The following RNF115 variants were observed in gnomAD, a reference collection of about 807,000 sequenced individuals.
RNF115 encodes E3 ubiquitin-protein ligase RNF115.
In RNF115, 31 loss-of-function variants were observed where a neutral mutation model predicts 39.2. The ratio of observed to expected loss-of-function variants is 0.79; its 90% confidence interval spans 0.59 to 1.07. The LOEUF (loss-of-function observed/expected upper bound fraction) is 1.07, where lower values mean the gene tolerates loss of function less well. RNF115 is among the 50% of genes least tolerant of loss of function. The pLI, the probability that RNF115 is intolerant of heterozygous loss-of-function variation, is 0.00. For synonymous variants in RNF115, 124 were observed against 131.0 expected, an observed-to-expected ratio of 0.95 and a Z score of 0.37; for missense variants, 384 against 381.7, an observed-to-expected ratio of 1.01 and a Z score of -0.05.
chr1:145,765,380 A>C (rs1051806967), intron 4 of RNF115, among the ~76,000 whole-genome samples: 3 of 152,012 alleles, frequency 2.0e-5, no homozygotes, highest in Non-Finnish European at 4.4e-5. Context: ...GACCCTGCCA[A>C]ATCCCCCTCT....
At chr1:145,773,405 C>G (rs1265279292) in intron 3 of RNF115, 1 of 151,802 alleles carries the variant, frequency 6.6e-6, no homozygotes, top group Admixed American at 6.6e-5. Flanking sequence ...ATCGCTTGAA[C>G]CAACGAGTTC....
intron 4 of RNF115, among the ~76,000 whole-genome samples, chr1:145,756,454 T>C (rs1228846709): frequency 6.7e-6 from 1 of 148,752 alleles, no homozygotes; most frequent in Non-Finnish European, 1.5e-5. Flanking sequence ...AGTGAGACTG[T>C]CTCAAAAAAA....
At chr1:145,775,197 G>A (rs1294495483) in intron 3 of RNF115, among the ~76,000 whole-genome samples, 2 of 152,088 alleles carry the variant, frequency 1.3e-5, no homozygotes, top group Non-Finnish European at 2.9e-5. Flanking sequence ...AGCTCATGAG[G>A]TCAAGGTTAC....
chr1:145,800,745 G>C (rs1370440549), intron 1 of RNF115, among the ~76,000 whole-genome samples: 1 of 152,214 alleles, frequency 6.6e-6, no homozygotes, highest in African/African-American at 2.4e-5. Flanking sequence ...CTTAAGGGGA[G>C]AAGTGTCCAG....
chr1:145,748,399 G>C (rs1657956912), intron 7 of RNF115, among the ~76,000 whole-genome samples: 1 of 152,164 alleles, frequency 6.6e-6, no homozygotes, highest in Non-Finnish European at 1.5e-5. Flanking sequence ...AGAGTTGGAA[G>C]AAATAAACTG....
intron 4 of RNF115, among the ~76,000 whole-genome samples, chr1:145,769,176 C>G (rs1485787276): frequency 1.3e-5 from 2 of 152,148 alleles, no homozygotes; most frequent in Non-Finnish European, 2.9e-5. Context: ...GATTATTGCA[C>G]TATCCTGGCT....
intron 1 of RNF115, among the ~76,000 whole-genome samples, chr1:145,813,392 A>C (rs1242400533): frequency 6.6e-6 from 1 of 152,194 alleles, no homozygotes; most frequent in Non-Finnish European, 1.5e-5. Flanking sequence ...AGCAAAACTA[A>C]AAGTTAGGCT....
chr1:145,789,012 C>T (rs1553718554), intron 1 of RNF115, 46 bp from the exon 2 acceptor site: 6 of 1,207,934 alleles, frequency 5.0e-6, no homozygotes, highest in East Asian at 2.3e-5. Context: ...CATTAGAAAG[C>T]TACGTGGTAT....
intron 4 of RNF115, among the ~76,000 whole-genome samples, chr1:145,763,515 T>A (rs587670116): frequency 2.0e-5 from 3 of 152,134 alleles, no homozygotes; most frequent in Non-Finnish European, 4.4e-5. Context: ...CTGGCCAACA[T>A]GGCAAAACCC....
At chr1:145,769,815 G>C (rs1212150471) in intron 4 of RNF115, among the ~76,000 whole-genome samples, 1 of 144,558 alleles carries the variant, frequency 6.9e-6, no homozygotes, top group Non-Finnish European at 1.5e-5. Flanking sequence ...TGTGTTAAGA[G>C]ACTCCAGCCT....
At chr1:145,798,570 G>C (rs143228281) in intron 1 of RNF115, among the ~76,000 whole-genome samples, 296 of 152,170 alleles carry the variant, frequency 1.9e-3, no homozygotes, top group Non-Finnish European at 3.7e-3. Context: ...CCATAGCTTA[G>C]TAATATATTT....
rs1176974529 is a variant in RNF115 at position 145,746,301 on chromosome 1, TA to T, written c.*564del. The T allele has an allele frequency of 6.6e-6, 1 of 152,078 alleles. No individual in the cohort carries two copies. The highest frequency in any genetic ancestry group is 1.5e-5 in the Non-Finnish European group (1 of 68,026). The allele number at this position is 152,078 out of a possible 1,614,324, so 9.4% of individuals were successfully genotyped here. On this transcript the variant is annotated 3_prime_UTR_variant, in exon 9 of 9. Transcript: ENST00000582693. ...ATAAACCACTTTTCTCTTCTTGCTG[TA>T]ATTTTTCTTTGATTTGCTCTCTGGG...
chr1:145,805,754 T>G (rs1024516824), intron 1 of RNF115, among the ~76,000 whole-genome samples: 1 of 152,092 alleles, frequency 6.6e-6, no homozygotes, highest in Non-Finnish European at 1.5e-5. Flanking sequence ...CTCAAATCAC[T>G]AAACCGTAGC....
intron 1 of RNF115, among the ~76,000 whole-genome samples, chr1:145,802,883 C>T (rs1264217660): frequency 1.3e-5 from 2 of 152,192 alleles, no homozygotes; most frequent in African/African-American, 2.4e-5. Flanking sequence ...TAAGTCTCGT[C>T]ACTAGGTCAA....
chr1:145,765,908 C>T (rs587677980), intron 4 of RNF115, among the ~76,000 whole-genome samples: 5 of 152,056 alleles, frequency 3.3e-5, no homozygotes, highest in Admixed American at 6.5e-5. Flanking sequence ...TTCAGGGAAA[C>T]TTATTAAGTT....
Position 145,771,814 on chromosome 1 carries a change from T to G in RNF115, c.325A>C (p.Thr109Pro), listed in dbSNP as rs1553715813. 7 of 1,614,044 alleles carry G rather than the reference T, an allele frequency of 4.3e-6. No homozygotes were observed. Among genetic ancestry groups the G allele is most frequent in the Non-Finnish European group, 5.9e-6 (7 of 1,179,950 alleles). Reference sequence around the variant, plus strand: ...CTTGCTCCCCAGAAGTCAGTGTGAGTCTGGTGACCCCTTTCATTGGCTCTA... The same window carrying G: ...CTTGCTCCCCAGAAGTCAGTGTGAGGCTGGTGACCCCTTTCATTGGCTCTA... ...DNRANERGHQ[T>P]HTDFWGARPP... The change falls in exon 4 of 9, where the codon ACT (threonine) becomes CCT (proline). Residue 109 changes from threonine (T) to proline (P), a missense_variant. Physicochemically the swap from Thr to Pro is conservative, Grantham distance 38 (BLOSUM62 -1). Transcript: ENST00000582693.
chr1:145,752,947 A>C (rs1230927473), intron 5 of RNF115, 31 bp downstream of exon 5: 1 of 1,443,238 alleles, frequency 6.9e-7, no homozygotes, highest in Non-Finnish European at 9.7e-7. Flanking sequence ...TCACTCCAAT[A>C]GAGTAAGATA....
At chr1:145,798,521 T>C (rs782373752) in intron 1 of RNF115, among the ~76,000 whole-genome samples, 1 of 152,208 alleles carries the variant, frequency 6.6e-6, no homozygotes, top group Non-Finnish European at 1.5e-5. Flanking sequence ...CCATTGTCTA[T>C]ATGTCTGTTG....
At chr1:145,776,364 A>G (rs1647887394) in intron 3 of RNF115, among the ~76,000 whole-genome samples, 1 of 151,448 alleles carries the variant, frequency 6.6e-6, no homozygotes, top group Non-Finnish European at 1.5e-5. Context: ...GGGTTTCACC[A>G]TGTTGGCCAG....
Sources: gnomAD v4.1 joint callset for allele counts (sites outside exome capture counted in the v4.1 genomes callset) on GRCh38, gnomAD v4.1.1 for gene constraint, MANE v1.5 for transcripts, NCBI Gene and HGNC (gene_info 2026-07-23, HGNC 2026-07-21) for gene names.